Variants in CEP55 observed in about 807,000 individuals in gnomAD.
CEP55 encodes the protein centrosomal protein 55.
CEP55 carries 57 observed loss-of-function variants against 63.2 expected under a neutral mutation model. That is an observed-to-expected ratio of 0.90 (90% confidence interval 0.73 to 1.13). The LOEUF is 1.13. Among genes scored for constraint, CEP55 ranks in the 50% most tolerant of loss-of-function variants. CEP55 has a pLI of 0.00. For synonymous variants in CEP55, 178 were observed against 191.6 expected (o/e 0.93, Z 0.59); for missense variants, 456 against 518.9 (o/e 0.88, Z 1.18).
intron 2 of CEP55, among the ~76,000 whole-genome samples, chr10:93,500,761 C>CTT (rs72218522): frequency 4.2e-5 from 6 of 143,214 alleles, no homozygotes; most frequent in Non-Finnish European, 7.7e-5. Flanking sequence ...ATTTTCCATA[C>CTT]TTTTTTTTTT....
intron 8 of CEP55, among the ~76,000 whole-genome samples, chr10:93,521,625 C>A (rs942013065): frequency 2.6e-5 from 4 of 152,190 alleles, no homozygotes; most frequent in Non-Finnish European, 5.9e-5. Context: ...AGCTTGAGAT[C>A]TGAGAACGGA....
intron 1 of CEP55, among the ~76,000 whole-genome samples, chr10:93,497,751 A>C: frequency 6.6e-6 from 1 of 152,050 alleles, no homozygotes; most frequent in Non-Finnish European, 1.5e-5. Context: ...TCGTTTGTTA[A>C]GAGTTCACAG....
intron 1 of CEP55, 45 bp from the exon 2 acceptor site, chr10:93,499,995 A>G: frequency 7.4e-7 from 1 of 1,353,916 alleles, no homozygotes. Flanking sequence ...CTTGAGATTT[A>G]AATTTTTAAA....
At chr10:93,514,342 G>A (rs879055612) in intron 4 of CEP55, among the ~76,000 whole-genome samples, 9 of 152,220 alleles carry the variant, frequency 5.9e-5, no homozygotes, top group Admixed American at 4.6e-4. Context: ...AAACAGGTGA[G>A]TGACGGCAGC....
chr10:93,504,502 A>G (rs866256625), intron 3 of CEP55, among the ~76,000 whole-genome samples: 5 of 152,196 alleles, frequency 3.3e-5, no homozygotes, highest in Middle Eastern at 3.4e-3. Flanking sequence ...ATAGTAGAAA[A>G]TCTGTAGCTT....
chr10:93,522,880 G>C (rs1294969322), intron 8 of CEP55, among the ~76,000 whole-genome samples: 2 of 152,260 alleles, frequency 1.3e-5, no homozygotes, highest in Admixed American at 1.3e-4. Context: ...TTACAGACAA[G>C]CAAATGCTGA....
rs1184798408 is a variant in CEP55 at position 93,524,117 on chromosome 10, CA to C, written c.1192-3826del. On this transcript the variant is annotated intron_variant, in intron 8 of 8. Transcript: ENST00000371485. ...AGCAGAACTGAAGGAGATAGAGACA[CA>C]AAAAAACTTTCAAAAAATCAATGAA... Among the ~76,000 whole-genome samples the C allele has an allele frequency of 3.3e-5, 5 of 151,872 alleles. No homozygotes were observed. In the East Asian group the frequency reaches 9.7e-4, roughly 29 times the overall value.
intron 4 of CEP55, among the ~76,000 whole-genome samples, chr10:93,513,303 C>G (rs142984508): frequency 9.2e-5 from 14 of 152,314 alleles, no homozygotes; most frequent in South Asian, 2.1e-4. Flanking sequence ...CCTTTAAGTG[C>G]CATACCCAGG....
intron 8 of CEP55, among the ~76,000 whole-genome samples, chr10:93,526,604 A>G (rs1223034408): frequency 6.6e-6 from 1 of 152,246 alleles, no homozygotes; most frequent in Non-Finnish European, 1.5e-5. Flanking sequence ...AAAGGAGTAT[A>G]AATCATGCTG....
chr10:93,519,076 A>G, intron 7 of CEP55, 128 bp downstream of exon 7: 1 of 600,842 alleles, frequency 1.7e-6, no homozygotes, highest in East Asian at 2.9e-5. Flanking sequence ...ACTTCAATAA[A>G]AGTCTTTCTT....
At chr10:93,508,371 T>C (rs965679441) in intron 4 of CEP55, among the ~76,000 whole-genome samples, 1 of 152,238 alleles carries the variant, frequency 6.6e-6, no homozygotes, top group Non-Finnish European at 1.5e-5. Context: ...CTGTTTTACT[T>C]CATCTATCAA....
rs1265137743 is a variant in CEP55, at chr10:93,504,940, T to C, written c.459+1552T>C. The stretch of plus-strand genomic sequence containing the variant: ...AATTCTCCTGCCTCAGCCTCCCAAG[T>C]ATTTGGGATTACAGGCACCTGCCAC... On this transcript the variant is annotated intron_variant, in intron 3 of 8. Transcript: ENST00000371485. 5.9e-5 allele frequency among the ~76,000 whole-genome samples: 9 copies of C among 151,934 alleles called. No individual in the cohort carries two copies. In the East Asian group the frequency reaches 1.7e-3, roughly 29 times the overall value.
intron 4 of CEP55, 124 bp downstream of exon 4, chr10:93,507,180 G>A (rs2134465117): frequency 5.3e-6 from 3 of 568,712 alleles, no homozygotes; most frequent in Non-Finnish European, 9.4e-6. Flanking sequence ...CTTCATTTAA[G>A]TCTCTTTCTA....
At position 93,514,795 on chromosome 10, in the gene CEP55, C is replaced by T. The variant is rs569682726; in HGVS notation, c.529-610C>T. 2.1e-4 allele frequency among the ~76,000 whole-genome samples: 32 copies of T among 152,232 alleles called. 1 individual carries two copies. The South Asian group carries it at 6.2e-3, about 30-fold the overall frequency. ...TTTTTTTGTTTGTTTTTTTGAGAGA[C>T]GCAGTTTCACTGGAGTTTCCAGGCT... is the stretch of plus-strand genomic sequence containing the variant. On this transcript the variant is annotated intron_variant, in intron 4 of 8. Coordinates refer to ENST00000371485, the MANE Select transcript of CEP55 (RefSeq NM_018131.5).
At chr10:93,524,188 G>A (rs1031143519) in intron 8 of CEP55, among the ~76,000 whole-genome samples, 24 of 151,234 alleles carry the variant, frequency 1.6e-4, no homozygotes, top group Admixed American at 5.9e-4. Flanking sequence ...TTGATAGACC[G>A]CTAGCAAGAC....
chr10:93,520,386 C>T (rs1164758022), intron 8 of CEP55: 3 of 145,596 alleles, frequency 2.1e-5, no homozygotes. Flanking sequence ...GAGACTGAGC[C>T]ACTGCACTCC....
In CEP55 at chr10:93,503,975, T is replaced by C. The variant is rs185636195; in HGVS notation, c.459+587T>C. ...ACCCCTGTTCTAAATCTTAGTTTCTTTTTTTTTTTTTTAAACATATAAGCT... is the reference window on the plus strand; with the variant it reads ...ACCCCTGTTCTAAATCTTAGTTTCTCTTTTTTTTTTTTAAACATATAAGCT... On this transcript the variant is annotated intron_variant, in intron 3 of 8. Transcript: ENST00000371485. Among the ~76,000 whole-genome samples the C allele has an allele frequency of 3.5e-3, 518 of 145,946 alleles. 4 individuals carry two copies. The highest frequency in any genetic ancestry group is 0.012 in the African/African-American group (492 of 40,122).
intron 4 of CEP55, among the ~76,000 whole-genome samples, chr10:93,510,115 T>C (rs2057729653): frequency 6.6e-6 from 1 of 152,232 alleles, no homozygotes; most frequent in Non-Finnish European, 1.5e-5. Context: ...TCAGTTACCA[T>C]TTCGCTCTGG....
At position 93,502,487 on chromosome 10, in the gene CEP55, T is replaced by C. The variant is rs192033604; in HGVS notation, c.184-626T>C. On this transcript the variant is annotated intron_variant, in intron 2 of 8. Coordinates refer to ENST00000371485, the MANE Select transcript of CEP55 (RefSeq NM_018131.5). ...TCCTGTTAGCCTATAATTTTAATAA[T>C]TATTTCTATTATCTTTTTATTTTAC... is the stretch of plus-strand genomic sequence containing the variant. 3.7e-3 allele frequency among the ~76,000 whole-genome samples: 568 copies of C among 152,352 alleles called. 6 individuals carry two copies. Among genetic ancestry groups the C allele is most frequent in the Non-Finnish European group, 4.2e-3 (283 of 68,036 alleles).
Sources: allele counts gnomAD v4.1 joint callset (sites outside exome capture counted in the v4.1 genomes callset), GRCh38; gene constraint gnomAD v4.1.1; transcripts MANE v1.5; gene names NCBI Gene and HGNC (gene_info 2026-07-23, HGNC 2026-07-21).